The following ABCC8 variants were observed in gnomAD, a reference collection of about 807,000 sequenced individuals.
ABCC8 encodes the protein ATP binding cassette subfamily C member 8.
Under a neutral mutation model 188.0 loss-of-function variants are expected in ABCC8, and 137 were observed. That is an observed-to-expected ratio of 0.73 (90% CI 0.63 to 0.84). The LOEUF (loss-of-function observed/expected upper bound fraction) is 0.84, where lower values mean the gene tolerates loss of function less well. ABCC8 is among the 40% of genes least tolerant of loss of function. ABCC8 has a pLI of 0.00. For synonymous variants in ABCC8, 797 were observed against 846.5 expected, an observed-to-expected ratio of 0.94 and a Z score of 1.01; for missense variants, 1,750 against 2,072.7, an observed-to-expected ratio of 0.84 and a Z score of 3.02.
chr11:17,412,805 T>A, intron 20 of ABCC8, 59 bp from the exon 21 acceptor site: 1 of 1,563,476 alleles, frequency 6.4e-7, no homozygotes, highest in Non-Finnish European at 8.7e-7. Flanking sequence ...CACTGTCCTG[T>A]ACCCTACTGG....
chr11:17,425,783 C>G (rs1208349974), intron 16 of ABCC8, among the ~76,000 whole-genome samples: 2 of 152,024 alleles, frequency 1.3e-5, no homozygotes, highest in Admixed American at 6.6e-5. Flanking sequence ...TTTGCTGCAC[C>G]CATCAACCCT....
At chr11:17,459,607 T>C (rs1428016761) in intron 6 of ABCC8, among the ~76,000 whole-genome samples, 1 of 152,234 alleles carries the variant, frequency 6.6e-6, no homozygotes, top group Non-Finnish European at 1.5e-5. Flanking sequence ...CTGCATTATT[T>C]TCAGACTGTC....
intron 16 of ABCC8, among the ~76,000 whole-genome samples, chr11:17,417,485 T>G (rs1431471311): frequency 6.6e-6 from 1 of 152,234 alleles, no homozygotes; most frequent in Non-Finnish European, 1.5e-5. Context: ...TAATGTCAAA[T>G]GCTTTTCATA....
At chr11:17,455,188 T>G (rs1186123032) in intron 6 of ABCC8, among the ~76,000 whole-genome samples, 1 of 152,046 alleles carries the variant, frequency 6.6e-6, no homozygotes, top group Non-Finnish European at 1.5e-5. Context: ...CCACAGGGAA[T>G]GGTTAGGTAA....
intron 29 of ABCC8, among the ~76,000 whole-genome samples, chr11:17,399,593 A>G (rs1435025899): frequency 6.6e-6 from 1 of 152,120 alleles, no homozygotes; most frequent in African/African-American, 2.4e-5. Context: ...CTACTACCTT[A>G]CTATAAAGTA....
At position 17,454,597 on chromosome 11, in the gene ABCC8, GGAGA is replaced by G. The variant is rs1956925746; in HGVS notation, c.1012-1318_1012-1315del. On this transcript the variant is annotated intron_variant, in intron 6 of 38. Coordinates refer to ENST00000389817, the MANE Select transcript of ABCC8 (RefSeq NM_000352.6). ...AATGGGCCTTAAAATTAGGCTGCAG[GGAGA>G]GACCTGAATTTCCAGGGGAGGAAGG... Among the ~76,000 whole-genome samples the G allele has an allele frequency of 2.0e-5, 3 of 152,298 alleles. No homozygotes were observed. In the South Asian group the frequency reaches 6.2e-4, roughly 32 times the overall value.
intron 6 of ABCC8, among the ~76,000 whole-genome samples, chr11:17,457,289 G>GA (rs1223591938): frequency 6.6e-6 from 1 of 152,078 alleles, no homozygotes; most frequent in Non-Finnish European, 1.5e-5. Flanking sequence ...CACACACGCA[G>GA]AAAAAGACAC....
intron 29 of ABCC8, among the ~76,000 whole-genome samples, chr11:17,398,811 C>T (rs188989597): frequency 2.0e-5 from 3 of 152,272 alleles, no homozygotes; most frequent in African/African-American, 7.2e-5. Flanking sequence ...TGCCTCCCTC[C>T]CCCTCTATCC....
intron 10 of ABCC8, among the ~76,000 whole-genome samples, chr11:17,439,060 A>G (rs1253910541): frequency 1.3e-5 from 2 of 152,208 alleles, no homozygotes; most frequent in South Asian, 2.1e-4. Context: ...CGGGGAGAAC[A>G]TCTTATCATT....
Position 17,395,893 on chromosome 11 carries a change from G to T in ABCC8, c.4157C>A (p.Ser1386Tyr). ...CATGCGGAAGAAGGCAAGAGAGAAG[G>T]AGGACTTCCCACTGCCGGTGCGGCC... ...ICGRTGSGKSSFSLAFFRMVD... is the reference protein window; with the variant it reads ...ICGRTGSGKSYFSLAFFRMVD... The change falls in exon 34 of 39, where the codon TCC (serine) becomes TAC (tyrosine). Residue 1386 changes from serine to tyrosine, a missense_variant. Coordinates refer to ENST00000389817, the MANE Select transcript of ABCC8 (RefSeq NM_000352.6). The T allele has an allele frequency of 6.3e-7, 1 of 1,591,838 alleles. No individual in the cohort carries two copies.
At chr11:17,407,236 GGGAA>G in intron 24 of ABCC8, 107 bp from the exon 25 acceptor site, 1 of 1,608,870 alleles carries the variant, frequency 6.2e-7, no homozygotes, top group East Asian at 2.2e-5. Context: ...GGCACACAGA[GGGAA>G]GCCATTTAAT....
chr11:17,454,526 G>A (rs1168034372), intron 6 of ABCC8, among the ~76,000 whole-genome samples: 2 of 152,206 alleles, frequency 1.3e-5, no homozygotes, highest in African/African-American at 2.4e-5. Flanking sequence ...AGAGGCAGAG[G>A]GAGGAGGTCG....
At position 17,470,095 on chromosome 11, in the gene ABCC8, A is replaced by G; in HGVS notation, c.412+6T>C. On this transcript the variant is annotated splice_donor_region_variant and intron_variant, in intron 3 of 38. Transcript: ENST00000389817. ...GTACTGCCCCTCCCTCCTACACCTC[A>G]CCTACCAATTAGCAGCTTGGGGAAG... 6.2e-7 allele frequency: 1 copy of G among 1,613,956 alleles called. No individual in the cohort carries two copies. Among genetic ancestry groups the G allele is most frequent in the Non-Finnish European group, 8.5e-7 (1 of 1,179,986 alleles).
chr11:17,466,467 CATAG>C, intron 3 of ABCC8, among the ~76,000 whole-genome samples: 1 of 149,986 alleles, frequency 6.7e-6, no homozygotes, highest in East Asian at 2.0e-4. Flanking sequence ...TGCTCAAATT[CATAG>C]ATAGAAAGTA....
At chr11:17,475,194 C>T (rs1057049985) in intron 1 of ABCC8, 167 bp from the exon 2 acceptor site, 15 of 529,620 alleles carry the variant, frequency 2.8e-5, no homozygotes, top group South Asian at 2.5e-4. Flanking sequence ...ACTCATTCAG[C>T]CTGGTCCTAT....
intron 11 of ABCC8, among the ~76,000 whole-genome samples, chr11:17,431,993 C>A (rs1459063875): frequency 6.6e-6 from 1 of 152,170 alleles, no homozygotes; most frequent in Admixed American, 6.5e-5. Context: ...ACTAAGCCTC[C>A]GGTCTTCCAG....
intron 6 of ABCC8, 146 bp downstream of exon 6, chr11:17,460,342 G>A: frequency 7.8e-7 from 1 of 1,277,816 alleles, no homozygotes; most frequent in Non-Finnish European, 1.1e-6. Flanking sequence ...AGAGTATTCT[G>A]TGGTGGGGAT....
At chr11:17,467,732 C>T (rs4148607) in intron 3 of ABCC8, among the ~76,000 whole-genome samples, 49,101 of 151,892 alleles carry the variant, frequency 0.32, 7,937 homozygotes, top group Middle Eastern at 0.46. Flanking sequence ...GCCATTCTCC[C>T]AATACCCATT....
chr11:17,454,964 G>A (rs1476924819), intron 6 of ABCC8, among the ~76,000 whole-genome samples: 1 of 152,090 alleles, frequency 6.6e-6, no homozygotes, highest in African/African-American at 2.4e-5. Context: ...GGAAGACCCG[G>A]TCCTTTTTAA....
Sources: gnomAD v4.1 joint callset for allele counts (sites outside exome capture counted in the v4.1 genomes callset) on GRCh38, gnomAD v4.1.1 for gene constraint, MANE v1.5 for transcripts, NCBI Gene and HGNC (gene_info 2026-07-23, HGNC 2026-07-21) for gene names.